The following FLCN variants were observed in gnomAD, a reference collection of about 807,000 sequenced individuals.
The protein encoded by FLCN is BHD skin lesion fibrofolliculoma protein.
In FLCN, 22 loss-of-function variants were observed where a neutral mutation model predicts 62.5. That is an observed-to-expected ratio of 0.35 (90% CI 0.25 to 0.50). FLCN has a LOEUF of 0.50. Among genes scored for constraint, FLCN ranks in the 20% least tolerant of loss-of-function variants. The pLI, the probability that FLCN is intolerant of heterozygous loss-of-function variation, is 0.97. For synonymous variants in FLCN, 319 were observed against 310.0 expected, an observed-to-expected ratio of 1.03 and a Z score of -0.30; for missense variants, 657 against 778.0, an observed-to-expected ratio of 0.84 and a Z score of 1.85.
intron 6 of FLCN, 21 bp from the exon 7 acceptor site, chr17:17,222,682 A>C: frequency 6.2e-7 from 1 of 1,614,096 alleles, no homozygotes; most frequent in Non-Finnish European, 8.5e-7. Context: ...AAGGGAAGGG[A>C]TGGCCTCTTT....
rs866040447 is a variant in FLCN, at chr17:17,213,603, G to A, written c.*52C>T. 3.7e-6 allele frequency: 6 copies of A among 1,609,398 alleles called. No homozygotes were observed. Among genetic ancestry groups the A allele is most frequent in the Non-Finnish European group, 4.3e-6 (5 of 1,175,830 alleles). On this transcript the variant is annotated 3_prime_UTR_variant, in exon 14 of 14. Coordinates refer to ENST00000285071, the MANE Select transcript of FLCN (RefSeq NM_144997.7). Reference sequence around the variant, plus strand: ...AAGGGACAGTCCCTCTCACGGGGCTGGAGGATCCTGTGGACAGCCATCCCT... The same window carrying A: ...AAGGGACAGTCCCTCTCACGGGGCTAGAGGATCCTGTGGACAGCCATCCCT...
At chr17:17,214,908 C>T in intron 13 of FLCN, 77 bp downstream of exon 13, 1 of 1,484,232 alleles carries the variant, frequency 6.7e-7, no homozygotes, top group Non-Finnish European at 9.4e-7. Flanking sequence ...GGCCACGGCC[C>T]AGCTCCTCTT....
At chr17:17,231,659 C>G (rs982406937) in intron 3 of FLCN, 135 bp downstream of exon 3, 4 of 152,284 alleles carry the variant, frequency 2.6e-5, no homozygotes, top group Admixed American at 2.0e-4. Flanking sequence ...CAAGGCATGG[C>G]CTGCCAAAGC....
chr17:17,217,057 A>C lies in FLCN; in HGVS notation c.1176+12T>G. 1 of 1,587,916 alleles carries C rather than the reference A, an allele frequency of 6.3e-7. No homozygotes were observed. The highest frequency in any genetic ancestry group is 1.1e-5 in the South Asian group (1 of 90,530). On this transcript the variant is annotated intron_variant, in intron 10 of 13. Coordinates refer to ENST00000285071, the MANE Select transcript of FLCN (RefSeq NM_144997.7). ...GCCCTGCGCCGCACACCTAAGGAAA[A>C]GATGTTCTCACCCGAAGTACTTCAA...
Position 17,213,703 on chromosome 17 carries a change from G to A in FLCN, c.1692C>T (p.His564=), listed in dbSNP as rs201810397. The A allele has an allele frequency of 6.7e-5, 108 of 1,614,206 alleles. 1 individual carries two copies. In the Middle Eastern group the frequency reaches 8.2e-4, roughly 12 times the overall value. ...TGGGGCTGCGGACCGTGGACATGAG[G>A]TGTGACTTGTAGGTCTTGCTCAGGC... ...MTGLSKTYKS[H]LMSTVRSPTA... The change falls in exon 14 of 14, where the codon CAC becomes CAT. Residue 564 remains histidine, a synonymous_variant. Coordinates refer to ENST00000285071, the MANE Select transcript of FLCN (RefSeq NM_144997.7).
rs2145053150 is a variant in FLCN at position 17,228,254 on chromosome 17, C to A, written c.-24-93G>T. The A allele has an allele frequency of 2.1e-6, 3 of 1,456,498 alleles. No homozygotes were observed. The East Asian group carries it at 7.4e-5, about 36-fold the overall frequency. 90.2% of individuals were successfully genotyped at this position (1,456,498 alleles called of 1,614,324 possible). On this transcript the variant is annotated intron_variant, in intron 3 of 13. Coordinates refer to ENST00000285071, the MANE Select transcript of FLCN (RefSeq NM_144997.7). ...CTGGAGCACAGGGAGCACCTGGGTG[C>A]CATGGACTTCCTGCCCAGGAGAGGC...
chr17:17,222,988 C>T (rs2047141186), intron 6 of FLCN: 1 of 412,588 alleles, frequency 2.4e-6, no homozygotes, highest in Non-Finnish European at 4.6e-6. Flanking sequence ...CTTCTGGGTG[C>T]ACTACTTGGC....
In FLCN at chr17:17,216,400, G is replaced by T. The variant is rs766218250; in HGVS notation, c.1280C>A (p.Pro427His). Reference sequence around the variant, plus strand: ...CGCACCTGAGGAGAGCACGTGGGGGGGGATCTGCACGTGCGGGCTGAGCCC... The same window carrying T: ...CGCACCTGAGGAGAGCACGTGGGGGTGGATCTGCACGTGCGGGCTGAGCCC... Reference protein sequence around the residue: ...FLGLSPHVQIPPHVLSSEFAV... With the variant: ...FLGLSPHVQIHPHVLSSEFAV... The change falls in exon 11 of 14, where the codon CCC (proline) becomes CAC (histidine). Residue 427 changes from proline (P) to histidine (H), a missense_variant. Physicochemically the swap from Pro to His is moderately conservative, Grantham distance 77 (BLOSUM62 -2). Transcript: ENST00000285071. This position sits in a 1 kb window ranked among gnomAD's most constrained non-coding sequence, Gnocchi z 4.0. 1.2e-6 allele frequency: 2 copies of T among 1,613,532 alleles called. No homozygotes were observed. Among genetic ancestry groups the T allele is most frequent in the African/African-American group, 2.7e-5 (2 of 74,928 alleles).
rs2144837487 is a variant in FLCN at position 17,215,216 on chromosome 17, C to A, written c.1401G>T (p.Val467=). The change falls in exon 12 of 14, where the codon GTG becomes GTT. Residue 467 remains valine (V), a synonymous_variant. Coordinates refer to ENST00000285071, the MANE Select transcript of FLCN (RefSeq NM_144997.7). ...DQSLSKYEFV[V]TSGSPVAADR... Reference sequence around the variant, plus strand: ...CTGCAGCTACAGGGCTCCCACTGGTCACCACAAACTCGTACTTGCTGAGAG... The same window carrying A: ...CTGCAGCTACAGGGCTCCCACTGGTAACCACAAACTCGTACTTGCTGAGAG... 1 of 1,614,186 alleles carries A rather than the reference C, an allele frequency of 6.2e-7. No homozygotes were observed. The highest frequency in any genetic ancestry group is 1.1e-5 in the South Asian group (1 of 91,074).
intron 8 of FLCN, chr17:17,220,024 C>T (rs1242622143): frequency 6.6e-6 from 1 of 152,208 alleles, no homozygotes; most frequent in East Asian, 1.9e-4. Context: ...CTCCCTCCTT[C>T]TGGAGCCCCC....
chr17:17,213,670 CGAGGCTGT>C lies in FLCN; in HGVS notation c.1717_1724del (p.Thr573GlyfsTer26). ...GTGTGACGGGTCAGTTCCGAGACTC[CGAGGCTGT>C]GGGGCTGCGGACCGTGGACATGAGG... On this transcript the variant is annotated frameshift_variant, in exon 14 of 14. Coordinates refer to ENST00000285071, the MANE Select transcript of FLCN (RefSeq NM_144997.7). LOFTEE classifies it high-confidence loss of function. The C allele has an allele frequency of 6.2e-7, 1 of 1,614,110 alleles. No homozygotes were observed. Among genetic ancestry groups the C allele is most frequent in the Non-Finnish European group, 8.5e-7 (1 of 1,180,024 alleles).
chr17:17,228,336 C>T, intron 3 of FLCN, 175 bp from the exon 4 acceptor site: 1 of 692,512 alleles, frequency 1.4e-6, no homozygotes, highest in Non-Finnish European at 2.4e-6. Flanking sequence ...GCGAGAGGAA[C>T]AGAGATAGGA....
At chr17:17,227,851 T>G in intron 4 of FLCN, 38 bp downstream of exon 4, 1 of 1,613,822 alleles carries the variant, frequency 6.2e-7, no homozygotes, top group Non-Finnish European at 8.5e-7. Context: ...CCACACCTAC[T>G]GCAGGGATCA....
At chr17:17,221,788 G>A (rs1387539859) in intron 7 of FLCN, among the ~76,000 whole-genome samples, 160 bp from the exon 8 acceptor site, 1 of 152,216 alleles carries the variant, frequency 6.6e-6, no homozygotes, top group Non-Finnish European at 1.5e-5. Flanking sequence ...AGTTCCACAA[G>A]TCAACGACCA....
intron 1 of FLCN, among the ~76,000 whole-genome samples, chr17:17,236,584 C>A (rs1392204180): frequency 6.6e-6 from 1 of 152,168 alleles, no homozygotes; most frequent in Non-Finnish European, 1.5e-5. Flanking sequence ...CTGGAGGACA[C>A]GGTGCTACCC....
rs1164318991 is a variant in FLCN at position 17,216,898 on chromosome 17, A to G, written c.1176+171T>C. The G allele has an allele frequency of 4.4e-6, 3 of 674,390 alleles. No homozygotes were observed. The highest frequency in any genetic ancestry group is 1.8e-5 in the African/African-American group (1 of 56,386). 41.8% of individuals were successfully genotyped at this position (674,390 alleles called of 1,614,324 possible). A position where few individuals can be genotyped will look rare whatever the true frequency, so the allele number is the denominator to read the frequency against. On this transcript the variant is annotated intron_variant, in intron 10 of 13. Transcript: ENST00000285071. This position sits in a 1 kb window ranked among gnomAD's most constrained non-coding sequence, Gnocchi z 4.0. Reference sequence around the variant, plus strand: ...CACACGCATCCTTCTGATGATTTAAACATCATCAGACCAGACCCGGGTCTC... The same window carrying G: ...CACACGCATCCTTCTGATGATTTAAGCATCATCAGACCAGACCCGGGTCTC...
At chr17:17,230,809 C>T (rs566324955) in intron 3 of FLCN, among the ~76,000 whole-genome samples, 1 of 151,794 alleles carries the variant, frequency 6.6e-6, no homozygotes, top group Non-Finnish European at 1.5e-5. Flanking sequence ...AGGAGAATCG[C>T]TCGAACCTGG....
intron 4 of FLCN, among the ~76,000 whole-genome samples, chr17:17,226,891 A>G (rs1212307194): frequency 1.3e-5 from 2 of 152,192 alleles, no homozygotes; most frequent in African/African-American, 2.4e-5. Flanking sequence ...TCCGATGCTG[A>G]GGCTGTGCGC....
At chr17:17,230,237 C>T (rs908020110) in intron 3 of FLCN, among the ~76,000 whole-genome samples, 8 of 152,074 alleles carry the variant, frequency 5.3e-5, no homozygotes, top group African/African-American at 1.4e-4. Flanking sequence ...TAGGAGAGGC[C>T]GGCACAGTGG....
Sources: allele counts gnomAD v4.1 joint callset (sites outside exome capture counted in the v4.1 genomes callset), GRCh38; gene constraint gnomAD v4.1.1; non-coding constraint Gnocchi (gnomAD v3.1); transcripts MANE v1.5; gene names NCBI Gene and HGNC (gene_info 2026-07-23, HGNC 2026-07-21).